Variants in RFX1 observed in about 807,000 individuals in gnomAD.
RFX1 encodes the protein regulatory factor X1.
Under a neutral mutation model 119.6 loss-of-function variants are expected in RFX1, and 42 were observed. The ratio of observed to expected loss-of-function variants is 0.35; its 90% CI spans 0.27 to 0.45. RFX1 has a LOEUF of 0.45. Ranked by LOEUF, RFX1 falls within the 20% of genes least tolerant of loss-of-function variation. The pLI, the probability that RFX1 is intolerant of heterozygous loss-of-function variation, is 1.00. For synonymous variants in RFX1, 628 were observed against 618.5 expected, an observed-to-expected ratio of 1.02 and a Z score of -0.23; for missense variants, 1,118 against 1,368.1, an observed-to-expected ratio of 0.82 and a Z score of 2.88.
rs377021857 is a variant in RFX1 at position 13,993,324 on chromosome 19, C to A, written c.319+201G>T. Reference sequence around the variant, plus strand: ...AATAAAATAAAACCAAAAAAAGAAGCTCTAAGAGCTGCTCTGGTGGGAAGG... The same window carrying A: ...AATAAAATAAAACCAAAAAAAGAAGATCTAAGAGCTGCTCTGGTGGGAAGG... On this transcript the variant is annotated intron_variant, in intron 2 of 20. Coordinates refer to ENST00000254325, the MANE Select transcript of RFX1 (RefSeq NM_002918.5). 2.6e-4 allele frequency among the ~76,000 whole-genome samples: 40 copies of A among 152,160 alleles called. No homozygotes were observed. The South Asian group carries it at 5.4e-3, about 21-fold the overall frequency.
In RFX1 at chr19:13,999,178, G is replaced by C. The variant is rs145359114; in HGVS notation, c.-52-5283C>G. Among the ~76,000 whole-genome samples the C allele has an allele frequency of 5.4e-4, 82 of 152,286 alleles. 2 individuals carry two copies. Among genetic ancestry groups the C allele is most frequent in the East Asian group, 2.3e-3 (12 of 5,194 alleles). On this transcript the variant is annotated intron_variant, in intron 1 of 20. Transcript: ENST00000254325. Reference sequence around the variant, plus strand: ...ATCACATATACATACATAGCATGAGGTATTGCCCATATATTTGAGCGTGAG... The same window carrying C: ...ATCACATATACATACATAGCATGAGCTATTGCCCATATATTTGAGCGTGAG...
chr19:14,000,944 A>T (rs1975196197), intron 1 of RFX1, among the ~76,000 whole-genome samples: 1 of 152,140 alleles, frequency 6.6e-6, no homozygotes. Context: ...AAAAAATTTT[A>T]AAAATTAGGT....
chr19:13,993,607 C>A lies in RFX1; in HGVS notation c.237G>T (p.Pro79=), dbSNP rs746791864. The A allele has an allele frequency of 6.2e-6, 10 of 1,611,234 alleles. No homozygotes were observed. The highest frequency in any genetic ancestry group is 8.5e-6 in the Non-Finnish European group (10 of 1,178,700). The part of the protein sequence containing the change: ...GGQKQYVTEL[P]AVPAPSQPTG... ...TTGGCTGCGAGGGTGCGGGTACAGC[C>A]GGGAGCTCCGTCACGTACTGCTTCT... The change falls in exon 2 of 21, where the codon CCG becomes CCT. Residue 79 remains proline (P), a synonymous_variant. Coordinates refer to ENST00000254325, the MANE Select transcript of RFX1 (RefSeq NM_002918.5).
chr19:14,006,094 C>T lies in RFX1; in HGVS notation c.-53+9G>A, dbSNP rs1975369748. The T allele has an allele frequency of 1.3e-5, 2 of 152,490 alleles. No homozygotes were observed. The highest frequency in any genetic ancestry group is 1.3e-4 in the Admixed American group (2 of 15,282). 9.4% of individuals were successfully genotyped at this position (152,490 alleles called of 1,614,324 possible). A position where few individuals can be genotyped will look rare whatever the true frequency, so the allele number is the denominator to read the frequency against. On this transcript the variant is annotated intron_variant, in intron 1 of 20. Transcript: ENST00000254325. ...GCCCGGCCAGCCACCCCGGGGCCGC[C>T]CTGGTTACCTCCGCTTCTCCCCACT...
At chr19:13,973,496 C>T (rs1208102964) in intron 8 of RFX1, among the ~76,000 whole-genome samples, 1 of 152,168 alleles carries the variant, frequency 6.6e-6, no homozygotes, top group Non-Finnish European at 1.5e-5. Context: ...CCTGCAATCC[C>T]AGCTACTTGG....
At chr19:13,984,752 C>T (rs537488685) in intron 2 of RFX1, among the ~76,000 whole-genome samples, 38 of 152,252 alleles carry the variant, frequency 2.5e-4, no homozygotes, top group African/African-American at 7.5e-4. Flanking sequence ...GGGGTTTATC[C>T]GACCCCCGGC....
At chr19:13,979,854 C>T (rs1302771673) in intron 6 of RFX1, among the ~76,000 whole-genome samples, 1 of 152,174 alleles carries the variant, frequency 6.6e-6, no homozygotes, top group Non-Finnish European at 1.5e-5. Context: ...CCACACCCCC[C>T]AATGTCAACT....
At chr19:14,003,405 T>TG (rs1975278664) in intron 1 of RFX1, among the ~76,000 whole-genome samples, 1 of 152,140 alleles carries the variant, frequency 6.6e-6, no homozygotes, top group African/African-American at 2.4e-5. Flanking sequence ...CCTGGATCCC[T>TG]GTCATCGACC....
chr19:13,964,465 G>A (rs894581019), intron 16 of RFX1, among the ~76,000 whole-genome samples: 1 of 151,130 alleles, frequency 6.6e-6, no homozygotes, highest in Non-Finnish European at 1.5e-5. Flanking sequence ...ACACTGCTTT[G>A]ATAAACACGT....
In RFX1 at chr19:13,972,834, C is replaced by G. The variant is rs1388010039; in HGVS notation, c.1223G>C (p.Ser408Thr). The change falls in exon 9 of 21, where the codon AGC becomes ACC. Residue 408 changes from serine (S) to threonine (T), a missense_variant. By Grantham distance (58) the Ser-to-Thr change is moderately conservative (BLOSUM62 1). Coordinates refer to ENST00000254325, the MANE Select transcript of RFX1 (RefSeq NM_002918.5). ...TTGGATCACGTAGGTGCCTGCTCCG[C>G]TGCCGCCGCCTCCGGTGCTGCCACT... The part of the protein sequence containing the change: ...GGSGSTGGGG[S>T]GAGTYVIQGG... The G allele has an allele frequency of 6.3e-7, 1 of 1,591,286 alleles. No homozygotes were observed. Among genetic ancestry groups the G allele is most frequent in the Non-Finnish European group, 8.5e-7 (1 of 1,171,008 alleles).
rs142824314 is a variant in RFX1, at chr19:13,968,911, G to A, written c.1497-17C>T. 1,088 of 1,546,290 alleles carry A rather than the reference G, an allele frequency of 7.0e-4. 9 individuals carry two copies. In the African/African-American group the frequency reaches 0.013, roughly 19 times the overall value. ...GAGTTGCCCCTGGGAGGGAGGTGGAGGGGAAGGGCTGGGCTGGGGGTCTGC... is the reference window on the plus strand; with the variant it reads ...GAGTTGCCCCTGGGAGGGAGGTGGAAGGGAAGGGCTGGGCTGGGGGTCTGC... On this transcript the variant is annotated splice_polypyrimidine_tract_variant and intron_variant, in intron 10 of 20. Transcript: ENST00000254325. This position sits in a 1 kb window ranked among gnomAD's most constrained non-coding sequence, Gnocchi z 5.5.
At chr19:13,997,812 G>C (rs1975085940) in intron 1 of RFX1, among the ~76,000 whole-genome samples, 1 of 152,174 alleles carries the variant, frequency 6.6e-6, no homozygotes, top group African/African-American at 2.4e-5. Flanking sequence ...CCACCTAGCA[G>C]GTGGCCAGCC....
chr19:13,973,252 G>C, intron 8 of RFX1, 125 bp from the exon 9 acceptor site: 1 of 712,984 alleles, frequency 1.4e-6, no homozygotes, highest in South Asian at 1.7e-5. Flanking sequence ...CTGCAGCAAG[G>C]AGCAGATCCT....
At position 13,963,856 on chromosome 19, in the gene RFX1, A is replaced by G; in HGVS notation, c.2361+2T>C. On this transcript the variant is annotated splice_donor_variant, in intron 17 of 20. Transcript: ENST00000254325. LOFTEE classifies it high-confidence loss of function. ...GCCCGCCCCGCCCCGCCCCGCGCTC[A>G]CCTGCACGTTGGCGAAGTCCACGCG... 2 of 1,512,892 alleles carry G rather than the reference A, an allele frequency of 1.3e-6. No homozygotes were observed. Among genetic ancestry groups the G allele is most frequent in the South Asian group, 1.2e-5 (1 of 82,248 alleles). The allele number at this position is 1,512,892 out of a possible 1,614,324, so 93.7% of individuals were successfully genotyped here.
At chr19:13,982,095 G>GCA in intron 5 of RFX1, 26 bp downstream of exon 5, 15 of 1,193,602 alleles carry the variant, frequency 1.3e-5, no homozygotes, top group Non-Finnish European at 1.6e-5. Context: ...GCAGGGGGGA[G>GCA]GGCGGCCAAC....
chr19:13,962,751 T>C lies in RFX1; in HGVS notation c.2884A>G (p.Lys962Glu). The part of the protein sequence containing the change: ...LGPETLEPPA[K>E]LARTDARGLF... Reference sequence around the variant, plus strand: ...CCGCGCGCGTCAGTCCGCGCCAGCTTGGCCGGCGGCTCCAGGGTCTCCGGG... The same window carrying C: ...CCGCGCGCGTCAGTCCGCGCCAGCTCGGCCGGCGGCTCCAGGGTCTCCGGG... Residue 962 changes from lysine to glutamate, a missense_variant, in exon 21 of 21, where the codon AAG becomes GAG. Transcript: ENST00000254325. 1 of 1,530,556 alleles carries C rather than the reference T, an allele frequency of 6.5e-7. No homozygotes were observed. Among genetic ancestry groups the C allele is most frequent in the Non-Finnish European group, 8.7e-7 (1 of 1,143,678 alleles). 94.8% of individuals were successfully genotyped at this position (1,530,556 alleles called of 1,614,324 possible). A position where few individuals can be genotyped will look rare whatever the true frequency, so the allele number is the denominator to read the frequency against.
At chr19:14,006,431 C>T (rs1158602739), upstream of RFX1, 1 of 152,232 alleles carries the variant, frequency 6.6e-6, no homozygotes, top group Non-Finnish European at 1.5e-5. Context: ...CTATTAGTTC[C>T]GATGCACGCT....
chr19:13,982,296 G>GATGACAGC, intron 4 of RFX1, 68 bp from the exon 5 acceptor site: 8 of 868,956 alleles, frequency 9.2e-6, no homozygotes, highest in African/African-American at 5.2e-5. Context: ...CCGAGCATCT[G>GATGACAGC]CGCAGTGCCA....
At chr19:14,002,416 T>TG (rs1466905417) in intron 1 of RFX1, among the ~76,000 whole-genome samples, 1 of 145,894 alleles carries the variant, frequency 6.9e-6, no homozygotes, top group Non-Finnish European at 1.5e-5. Context: ...ACTGGGGAGG[T>TG]GGAGGTTGCG....
Sources: allele counts gnomAD v4.1 joint callset (sites outside exome capture counted in the v4.1 genomes callset), GRCh38; gene constraint gnomAD v4.1.1; non-coding constraint Gnocchi (gnomAD v3.1); transcripts MANE v1.5; gene names NCBI Gene and HGNC (gene_info 2026-07-23, HGNC 2026-07-21).